The following EFEMP1 variants were observed in gnomAD, a reference collection of about 807,000 sequenced individuals.
The protein encoded by EFEMP1 is EGF-like fibulin extracellular matrix protein 1, also known as EGF-containing fibulin-like extracellular matrix protein 1.
Under a neutral mutation model 65.7 loss-of-function variants are expected in EFEMP1, and 18 were observed. The ratio of observed to expected loss-of-function variants is 0.27; its 90% CI spans 0.19 to 0.41. The LOEUF (loss-of-function observed/expected upper bound fraction) is 0.41, where lower values mean the gene tolerates loss of function less well. Among genes scored for constraint, EFEMP1 ranks in the 10% least tolerant of loss-of-function variants. EFEMP1 has a pLI of 1.00. For synonymous variants in EFEMP1, 237 were observed against 219.7 expected, an observed-to-expected ratio of 1.08 and a Z score of -0.70; for missense variants, 469 against 624.8, an observed-to-expected ratio of 0.75 and a Z score of 2.66.
chr2:55,878,645 C>T (rs986515954), intron 6 of EFEMP1, among the ~76,000 whole-genome samples: 6 of 147,496 alleles, frequency 4.1e-5, no homozygotes, highest in Non-Finnish European at 8.9e-5. Context: ...TATATAGTGA[C>T]ACTGCCTTGT....
At chr2:55,914,806 A>G (rs1670614672) in intron 5 of EFEMP1, among the ~76,000 whole-genome samples, 1 of 152,158 alleles carries the variant, frequency 6.6e-6, no homozygotes, top group Admixed American at 6.5e-5. Flanking sequence ...GGAGATCTTT[A>G]TTAAAACAGA....
In EFEMP1 at chr2:55,876,753, G is replaced by GTT. The variant is rs751482730; in HGVS notation, c.761-13_761-12dup. 6.5e-7 allele frequency: 1 copy of GTT among 1,526,784 alleles called. No individual in the cohort carries two copies. Among genetic ancestry groups the GTT allele is most frequent in the Admixed American group, 1.7e-5 (1 of 58,078 alleles). The allele number at this position is 1,526,784 out of a possible 1,614,324, so 94.6% of individuals were successfully genotyped here. On this transcript the variant is annotated splice_polypyrimidine_tract_variant and intron_variant, in intron 7 of 11. Transcript: ENST00000355426. ...CACATTCATTTATATCTGAAAAAAA[G>GTT]TTTTATATATATATATATGTATATG...
In EFEMP1 at chr2:55,873,236, C is replaced by A. The variant is rs148762491; in HGVS notation, c.1000+1710G>T. Reference sequence around the variant, plus strand: ...GGACAAGGCTCAGAAGGAACGATTTCCGTAGGAGAAAGCAATTGCTTTATA... The same window carrying A: ...GGACAAGGCTCAGAAGGAACGATTTACGTAGGAGAAAGCAATTGCTTTATA... On this transcript the variant is annotated intron_variant, in intron 9 of 11. Transcript: ENST00000355426. The surrounding 1 kb of genome is among the most constrained non-coding windows in gnomAD (Gnocchi z 4.6). 6.6e-6 allele frequency among the ~76,000 whole-genome samples: 1 copy of A among 152,112 alleles called. No individual in the cohort carries two copies. Among genetic ancestry groups the A allele is most frequent in the Non-Finnish European group, 1.5e-5 (1 of 67,926 alleles).
intron 5 of EFEMP1, among the ~76,000 whole-genome samples, chr2:55,901,709 G>C (rs150935661): frequency 0.021 from 3,160 of 152,312 alleles, 59 homozygotes; most frequent in South Asian, 0.07. Context: ...GGCAGCTTCT[G>C]ACATGGCTCT....
chr2:55,895,752 A>G (rs976031015), intron 5 of EFEMP1, among the ~76,000 whole-genome samples: 3 of 151,704 alleles, frequency 2.0e-5, no homozygotes, highest in Non-Finnish European at 2.9e-5. Flanking sequence ...TGTGTTAGCC[A>G]GGATTGTCTC....
In EFEMP1 at chr2:55,922,180, T is replaced by C; in HGVS notation, c.81+180A>G. ...CTTAGGTGGTGAGCCCAATGAACTT[T>C]TGAAAGGATCAAGGGGGCAATTTAC... is the stretch of plus-strand genomic sequence containing the variant. On this transcript the variant is annotated intron_variant, in intron 3 of 11. Transcript: ENST00000355426. The surrounding 1 kb of genome is among the most constrained non-coding windows in gnomAD (Gnocchi z 5.5). The C allele has an allele frequency of 1.6e-6, 1 of 628,568 alleles. No individual in the cohort carries two copies. Among genetic ancestry groups the C allele is most frequent in the South Asian group, 1.7e-5 (1 of 59,484 alleles). 38.9% of individuals were successfully genotyped at this position (628,568 alleles called of 1,614,324 possible). A position where few individuals can be genotyped will look rare whatever the true frequency, so the allele number is the denominator to read the frequency against.
chr2:55,878,150 A>G (rs1304060365), intron 6 of EFEMP1, among the ~76,000 whole-genome samples: 1 of 152,162 alleles, frequency 6.6e-6, no homozygotes, highest in Non-Finnish European at 1.5e-5. Context: ...TATATATAAG[A>G]TGTCAGTTTG....
intron 5 of EFEMP1, among the ~76,000 whole-genome samples, chr2:55,897,057 C>T (rs948064576): frequency 6.6e-6 from 1 of 152,218 alleles, no homozygotes; most frequent in African/African-American, 2.4e-5. Flanking sequence ...AATGCCACAA[C>T]TTGCCAAGAC....
intron 5 of EFEMP1, among the ~76,000 whole-genome samples, chr2:55,891,184 G>A (rs572104822): frequency 2.6e-3 from 400 of 152,086 alleles, no homozygotes; most frequent in African/African-American, 9.3e-3. Context: ...GCAGATTTTC[G>A]CTCAGTGTAA....
Position 55,873,406 on chromosome 2 carries a change from A to C in EFEMP1, c.1000+1540T>G, listed in dbSNP as rs1426702901. On this transcript the variant is annotated intron_variant, in intron 9 of 11. Transcript: ENST00000355426. This position sits in a 1 kb window ranked among gnomAD's most constrained non-coding sequence, Gnocchi z 4.6. ...TTCCACCTTTAATTACAATAGATAT[A>C]AATGTTTCCACATAGATAGGCTAGG... is the stretch of plus-strand genomic sequence containing the variant. Among the ~76,000 whole-genome samples, 5 of 152,094 alleles carry C rather than the reference A, an allele frequency of 3.3e-5. No homozygotes were observed. The highest frequency in any genetic ancestry group is 2.1e-4 in the South Asian group (1 of 4,834).
At chr2:55,878,695 C>G (rs1362772769) in intron 6 of EFEMP1, among the ~76,000 whole-genome samples, 1 of 146,202 alleles carries the variant, frequency 6.8e-6, no homozygotes, top group East Asian at 2.0e-4. Flanking sequence ...TTATGCTGGG[C>G]TCTTTTGGTA....
chr2:55,876,043 C>T (rs1669024708), intron 8 of EFEMP1, among the ~76,000 whole-genome samples: 2 of 151,912 alleles, frequency 1.3e-5, no homozygotes, highest in African/African-American at 4.8e-5. Context: ...ACGAAATGTG[C>T]ACATGCAATG....
chr2:55,914,200 T>C (rs1239228342), intron 5 of EFEMP1, among the ~76,000 whole-genome samples: 1 of 152,232 alleles, frequency 6.6e-6, no homozygotes, highest in Non-Finnish European at 1.5e-5. Context: ...GCCCCAGGTA[T>C]GTAACACTGA....
At chr2:55,912,925 G>A (rs545424960) in intron 5 of EFEMP1, among the ~76,000 whole-genome samples, 6 of 152,214 alleles carry the variant, frequency 3.9e-5, no homozygotes, top group Non-Finnish European at 8.8e-5. Context: ...AAGTGTGCAG[G>A]TTCTAATGTC....
chr2:55,875,208 A>T lies in EFEMP1; in HGVS notation c.881-143T>A, dbSNP rs551307175. ...TATTAAAATAATTATATATAATTAA[A>T]ATTATTTATATTTTAAGGAGGAAAA... On this transcript the variant is annotated intron_variant, in intron 8 of 11. Transcript: ENST00000355426. 5.4e-4 allele frequency: 181 copies of T among 333,372 alleles called. 8 individuals are homozygous for T. In the East Asian group the frequency reaches 0.022, roughly 40 times the overall value. The allele number at this position is 333,372 out of a possible 1,614,324, so 20.7% of individuals were successfully genotyped here. A position where few individuals can be genotyped will look rare whatever the true frequency, so the allele number is the denominator to read the frequency against.
At chr2:55,911,349 G>A (rs1262491230) in intron 5 of EFEMP1, among the ~76,000 whole-genome samples, 2 of 152,066 alleles carry the variant, frequency 1.3e-5, no homozygotes, top group African/African-American at 2.4e-5. Context: ...TATCCCATGT[G>A]AAGTATTCTG....
intron 5 of EFEMP1, among the ~76,000 whole-genome samples, chr2:55,895,190 A>T (rs1438915270): frequency 6.6e-6 from 1 of 152,192 alleles, no homozygotes; most frequent in East Asian, 1.9e-4. Context: ...CCAGGCTCCC[A>T]GGGCTCCAAG....
Position 55,872,836 on chromosome 2 carries a change from A to G in EFEMP1, c.1001-1713T>C, listed in dbSNP as rs76840460. ...TCAGTATTTTCCACTTTTTTGAAGA[A>G]TAAAGATGCTGTTTAGGTACAGGGA... On this transcript the variant is annotated intron_variant, in intron 9 of 11. Transcript: ENST00000355426. Among the ~76,000 whole-genome samples the G allele has an allele frequency of 5.3e-5, 8 of 152,192 alleles. No homozygotes were observed. The East Asian group carries it at 1.5e-3, about 29-fold the overall frequency.
At position 55,922,673 on chromosome 2, in the gene EFEMP1, G is replaced by A. The variant is rs2104459102; in HGVS notation, c.-8+226C>T. On this transcript the variant is annotated intron_variant, in intron 2 of 11. Transcript: ENST00000355426. This position sits in a 1 kb window ranked among gnomAD's most constrained non-coding sequence, Gnocchi z 5.5. ...AAACTGCTGTAGAATTGCATTTCAC[G>A]TTACTCCATCCTGCTACGCTGTTTA... is the stretch of plus-strand genomic sequence containing the variant. 3.8e-6 allele frequency: 2 copies of A among 527,508 alleles called. No homozygotes were observed. The highest frequency in any genetic ancestry group is 1.9e-5 in the South Asian group (1 of 52,644). 32.7% of individuals were successfully genotyped at this position (527,508 alleles called of 1,614,324 possible). A position where few individuals can be genotyped will look rare whatever the true frequency, so the allele number is the denominator to read the frequency against.
Sources: gnomAD v4.1 joint callset for allele counts (sites outside exome capture counted in the v4.1 genomes callset) on GRCh38, gnomAD v4.1.1 for gene constraint, Gnocchi (gnomAD v3.1) non-coding constraint, MANE v1.5 for transcripts, NCBI Gene and HGNC (gene_info 2026-07-23, HGNC 2026-07-21) for gene names.